The following DBF4B variants were observed in gnomAD, a reference collection of about 807,000 sequenced individuals.
The protein encoded by DBF4B is protein DBF4 homolog B.
A neutral mutation model predicts 53.4 loss-of-function variants in DBF4B; 49 were observed. The ratio of observed to expected loss-of-function variants is 0.92; its 90% CI spans 0.73 to 1.16. The LOEUF (loss-of-function observed/expected upper bound fraction) is 1.16. Among genes scored for constraint, DBF4B ranks in the 50% most tolerant of loss-of-function variants. The probability of loss-of-function intolerance (pLI) is 0.00; values close to 1 mark genes in which losing one functional copy is unlikely to be tolerated. For missense variants in DBF4B, 692 were observed against 775.0 expected (o/e 0.89, Z 1.27); for synonymous variants, 257 against 288.7 (o/e 0.89, Z 1.11).
Position 44,738,401 on chromosome 17 carries a change from C to T in DBF4B, c.690C>T (p.Phe230=). The part of the protein sequence containing the change: ...TRKVARLKAP[F]LKIEDESRKF... ...CAGTGGCCAGACTGAAGGCCCCGTTCCTCAAAATCGAAGATGAAAGCAGGT... is the reference window on the plus strand; with the variant it reads ...CAGTGGCCAGACTGAAGGCCCCGTTTCTCAAAATCGAAGATGAAAGCAGGT... The change falls in exon 9 of 14, where the codon TTC becomes TTT. Residue 230 remains phenylalanine (F), a synonymous_variant. Coordinates refer to ENST00000315005, the MANE Select transcript of DBF4B (RefSeq NM_145663.3). 1 of 1,613,876 alleles carries T rather than the reference C, an allele frequency of 6.2e-7. No homozygotes were observed. Among genetic ancestry groups the T allele is most frequent in the South Asian group, 1.1e-5 (1 of 91,038 alleles).
At chr17:44,737,858 C>T (rs1311824416) in intron 8 of DBF4B, among the ~76,000 whole-genome samples, 1 of 152,188 alleles carries the variant, frequency 6.6e-6, no homozygotes, top group African/African-American at 2.4e-5. Context: ...TATCCCTCTT[C>T]CTCTCTGCTT....
chr17:44,735,078 C>A (rs777089611), intron 7 of DBF4B, among the ~76,000 whole-genome samples: 2 of 151,968 alleles, frequency 1.3e-5, no homozygotes, highest in South Asian at 4.1e-4. Context: ...CCAGCCTAGG[C>A]GACAGCAAAA....
At chr17:44,714,874 C>A in intron 2 of DBF4B, among the ~76,000 whole-genome samples, 1 of 151,676 alleles carries the variant, frequency 6.6e-6, no homozygotes, top group East Asian at 1.9e-4. Flanking sequence ...TTTTAATGGG[C>A]AGCCCCCAAA....
In DBF4B at chr17:44,749,681, C is replaced by T; in HGVS notation, c.1190-914C>T. 8.6e-7 allele frequency: 1 copy of T among 1,165,500 alleles called. No homozygotes were observed. 72.2% of individuals were successfully genotyped at this position (1,165,500 alleles called of 1,614,324 possible). ...GAGGCTGGCCGCCCACGCCAGGAGG[C>T]AGAGGCGAAGTTGGCATGGGGAGGG... On this transcript the variant is annotated intron_variant, in intron 13 of 13. Transcript: ENST00000315005. The surrounding 1 kb of genome is among the most constrained non-coding windows in gnomAD (Gnocchi z 4.4).
chr17:44,723,427 C>G (rs1974027911), intron 3 of DBF4B, among the ~76,000 whole-genome samples: 1 of 151,926 alleles, frequency 6.6e-6, no homozygotes, highest in South Asian at 2.1e-4. Flanking sequence ...TTTCAGCGGT[C>G]TCACTACATT....
At position 44,751,123 on chromosome 17, in the gene DBF4B, C is replaced by T. The variant is rs767505641; in HGVS notation, c.1718C>T (p.Pro573Leu). 7 of 1,613,992 alleles carry T rather than the reference C, an allele frequency of 4.3e-6. No individual in the cohort carries two copies. Among genetic ancestry groups the T allele is most frequent in the Middle Eastern group, 1.6e-4 (1 of 6,084 alleles). The stretch of plus-strand genomic sequence containing the variant: ...GGACCCATTCCCCGAACCTCACATC[C>T]GTGTACCCTTGCCTTCCCCTCCTAT... ...TAGPIPRTSH[P>L]CTLAFPSYLN... is the part of the protein sequence containing the mutation. The change falls in exon 14 of 14, where the codon CCG becomes CTG. Residue 573 changes from proline to leucine, a missense_variant. This residue lies in a region of DBF4B where 597 missense variants were observed against 665.8 expected (regional missense o/e 0.90). Transcript: ENST00000315005.
chr17:44,741,066 C>A (rs926748596), intron 9 of DBF4B, among the ~76,000 whole-genome samples: 12 of 151,554 alleles, frequency 7.9e-5, no homozygotes, highest in Non-Finnish European at 1.5e-5. Context: ...ACCTGGGAGG[C>A]GGAGCTTGCA....
Position 44,747,177 on chromosome 17 carries a change from G to C in DBF4B, c.925G>C (p.Glu309Gln), listed in dbSNP as rs1310853660. 1 of 1,613,968 alleles carries C rather than the reference G, an allele frequency of 6.2e-7. No individual in the cohort carries two copies. Among genetic ancestry groups the C allele is most frequent in the Admixed American group, 1.7e-5 (1 of 60,012 alleles). Residue 309 changes from glutamate (E) to glutamine (Q), a missense_variant, in exon 11 of 14, where the codon GAG becomes CAG. By Grantham distance (29) the Glu-to-Gln change is conservative. Coordinates refer to ENST00000315005, the MANE Select transcript of DBF4B (RefSeq NM_145663.3). ...GYCECCQEAF[E>Q]ELHVHLQSAQ... ...CTGCGAGTGCTGTCAGGAGGCCTTC[G>C]AGGAGCTCCATGTGGTGAGCCCCTT...
intron 3 of DBF4B, among the ~76,000 whole-genome samples, chr17:44,723,561 T>C (rs1974038242): frequency 6.6e-6 from 1 of 151,910 alleles, no homozygotes; most frequent in South Asian, 2.1e-4. Context: ...AGGGACTAAC[T>C]ACCCTGGCCT....
intron 3 of DBF4B, among the ~76,000 whole-genome samples, chr17:44,724,669 A>G (rs1486130756): frequency 6.6e-6 from 1 of 151,816 alleles, no homozygotes; most frequent in African/African-American, 2.4e-5. Flanking sequence ...GTGAGCCACC[A>G]TGCCCAGCCA....
At chr17:44,709,231 A>T (rs1972640597) in intron 1 of DBF4B, 73 bp from the exon 2 acceptor site, 2 of 1,588,060 alleles carry the variant, frequency 1.3e-6, no homozygotes, top group East Asian at 2.2e-5. Flanking sequence ...TTTGGGAGAC[A>T]GTAGTGGGCG....
At chr17:44,743,754 T>G (rs953585150) in intron 10 of DBF4B, among the ~76,000 whole-genome samples, 3 of 151,820 alleles carry the variant, frequency 2.0e-5, no homozygotes, top group Non-Finnish European at 1.5e-5. Flanking sequence ...GGGATTACAG[T>G]GCACACCACC....
Position 44,749,603 on chromosome 17 carries a change from T to G in DBF4B, c.1190-992T>G, listed in dbSNP as rs1029209355. ...GCTGGGGGCTGCCCTCTCCTACCCCTGCCTCCTGCCATGTTCCTGACCAGG... is the reference window on the plus strand; with the variant it reads ...GCTGGGGGCTGCCCTCTCCTACCCCGGCCTCCTGCCATGTTCCTGACCAGG... On this transcript the variant is annotated intron_variant, in intron 13 of 13. Transcript: ENST00000315005. The surrounding 1 kb of genome is among the most constrained non-coding windows in gnomAD (Gnocchi z 4.4). The G allele has an allele frequency of 7.6e-6, 9 of 1,189,442 alleles. No homozygotes were observed. In the South Asian group the frequency reaches 1.4e-4, roughly 18 times the overall value. 73.7% of individuals were successfully genotyped at this position (1,189,442 alleles called of 1,614,324 possible). A position where few individuals can be genotyped will look rare whatever the true frequency, so the allele number is the denominator to read the frequency against.
chr17:44,733,924 C>T (rs954508184), intron 6 of DBF4B, 166 bp from the exon 7 acceptor site: 8 of 614,650 alleles, frequency 1.3e-5, no homozygotes, highest in Middle Eastern at 4.1e-4. Flanking sequence ...CCTTAACCTC[C>T]GCTGTCAGGA....
intron 2 of DBF4B, among the ~76,000 whole-genome samples, chr17:44,711,926 C>T (rs993404431): frequency 4.8e-5 from 7 of 147,086 alleles, no homozygotes; most frequent in African/African-American, 1.8e-4. Context: ...CAGAGCAAGA[C>T]TCTGTCTCAA....
At chr17:44,729,850 T>C in intron 3 of DBF4B, 55 bp from the exon 4 acceptor site, 1 of 1,584,802 alleles carries the variant, frequency 6.3e-7, no homozygotes, top group Non-Finnish European at 8.6e-7. Flanking sequence ...CTCTTTATAT[T>C]GACAATTCTG....
At chr17:44,748,499 C>T (rs756378106) in intron 13 of DBF4B, 34 bp downstream of exon 13, 7 of 1,612,972 alleles carry the variant, frequency 4.3e-6, no homozygotes, top group East Asian at 2.2e-5. Flanking sequence ...GTGGACAGCA[C>T]GCAGGCACCA....
chr17:44,739,214 C>A (rs1006949597), intron 9 of DBF4B, among the ~76,000 whole-genome samples: 1 of 152,194 alleles, frequency 6.6e-6, no homozygotes, highest in Non-Finnish European at 1.5e-5. Context: ...TCAGTAAGTA[C>A]AAGATCGAAA....
intron 11 of DBF4B, 71 bp from the exon 12 acceptor site, chr17:44,747,320 G>A: frequency 1.2e-6 from 2 of 1,603,716 alleles, no homozygotes; most frequent in South Asian, 1.1e-5. Context: ...CATGGGCTGG[G>A]AGGTCAGCTT....
Sources: allele counts gnomAD v4.1 joint callset (sites outside exome capture counted in the v4.1 genomes callset), GRCh38; gene constraint gnomAD v4.1.1; regional missense constraint gnomAD v4.1.1; non-coding constraint Gnocchi (gnomAD v3.1); transcripts MANE v1.5; gene names NCBI Gene and HGNC (gene_info 2026-07-23, HGNC 2026-07-21).